The following PRKG1 variants were observed in gnomAD, a reference collection of about 807,000 sequenced individuals.
The protein encoded by PRKG1 is cGMP-dependent protein kinase 1.
Under a neutral mutation model 88.1 loss-of-function variants are expected in PRKG1, and 35 were observed. The observed-to-expected ratio is 0.40, with a 90% confidence interval of 0.30 to 0.53. PRKG1 has a LOEUF of 0.53. Among genes scored for constraint, PRKG1 ranks in the 20% least tolerant of loss-of-function variants. The pLI, the probability that PRKG1 is intolerant of heterozygous loss-of-function variation, is 0.59. For missense variants in PRKG1, 540 were observed against 839.8 expected (o/e 0.64, Z 4.41); for synonymous variants, 303 against 292.5 (o/e 1.04, Z -0.37).
intron 4 of PRKG1, among the ~76,000 whole-genome samples, chr10:51,862,396 T>C (rs1840902328): frequency 6.6e-6 from 1 of 152,058 alleles, no homozygotes; most frequent in Non-Finnish European, 1.5e-5. Flanking sequence ...TCCGGGTTCT[T>C]GTCCTATGAT....
intron 3 of PRKG1, among the ~76,000 whole-genome samples, chr10:51,733,723 G>A (rs547853342): frequency 6.6e-6 from 1 of 152,258 alleles, no homozygotes; most frequent in African/African-American, 2.4e-5. Flanking sequence ...GGCCATAAGT[G>A]GATATGATTG....
chr10:51,067,270 G>GTA (rs10612353), intron 1 of PRKG1, among the ~76,000 whole-genome samples: 4,775 of 146,580 alleles, frequency 0.033, 101 homozygotes, highest in African/African-American at 0.06. Context: ...ATGTATGTGT[G>GTA]TATATATATA....
chr10:51,697,846 C>G (rs1350403653), intron 3 of PRKG1: 3 of 1,614,106 alleles, frequency 1.9e-6, no homozygotes, highest in Non-Finnish European at 2.5e-6. Context: ...GTGGAGTGAC[C>G]TGGCTCTGCC....
chr10:51,848,323 C>G (rs541247087), intron 4 of PRKG1, among the ~76,000 whole-genome samples: 3 of 152,072 alleles, frequency 2.0e-5, no homozygotes, highest in Non-Finnish European at 2.9e-5. Flanking sequence ...AAAAAAATAA[C>G]TAGTGAAATA....
chr10:51,204,629 G>A (rs560241687), intron 2 of PRKG1, among the ~76,000 whole-genome samples: 31 of 152,062 alleles, frequency 2.0e-4, no homozygotes, highest in Middle Eastern at 3.4e-3. Context: ...TGGATATTAC[G>A]GATTGAAAAA....
At chr10:51,433,636 T>C (rs1451039558) in intron 2 of PRKG1, among the ~76,000 whole-genome samples, 2 of 136,132 alleles carry the variant, frequency 1.5e-5, no homozygotes, top group Non-Finnish European at 3.3e-5. Context: ...TAGGGGCCTT[T>C]TAGTGATCTA....
At chr10:51,210,266 A>G (rs1282849451) in intron 2 of PRKG1, among the ~76,000 whole-genome samples, 3 of 152,212 alleles carry the variant, frequency 2.0e-5, no homozygotes, top group African/African-American at 4.8e-5. Context: ...TTTGAAACCA[A>G]CGAGAACAAA....
intron 2 of PRKG1, among the ~76,000 whole-genome samples, chr10:51,163,960 G>C (rs1479051908): frequency 1.3e-5 from 2 of 152,202 alleles, no homozygotes; most frequent in East Asian, 3.9e-4. Context: ...CTCCACTTCT[G>C]GGGGCAGGGC....
At chr10:50,995,582 C>T (rs749927259) in intron 1 of PRKG1, among the ~76,000 whole-genome samples, 38 of 152,156 alleles carry the variant, frequency 2.5e-4, no homozygotes, top group Non-Finnish European at 1.2e-4. Flanking sequence ...AAGTGTTTTA[C>T]ATAGATCTCT....
intron 5 of PRKG1, among the ~76,000 whole-genome samples, chr10:52,050,041 G>A (rs959596813): frequency 1.4e-5 from 2 of 144,764 alleles, no homozygotes; most frequent in African/African-American, 2.5e-5. Flanking sequence ...GTGTGTGTGA[G>A]AGAGAGAGAG....
chr10:51,628,172 C>A (rs543095678), intron 3 of PRKG1, among the ~76,000 whole-genome samples: 5 of 57,618 alleles, frequency 8.7e-5, no homozygotes, highest in Non-Finnish European at 1.9e-4. Flanking sequence ...TTATTTATTT[C>A]TTTTCTTTCT....
intron 3 of PRKG1, among the ~76,000 whole-genome samples, chr10:51,543,372 A>C (rs1261773524): frequency 6.6e-6 from 1 of 152,208 alleles, no homozygotes; most frequent in Non-Finnish European, 1.5e-5. Context: ...TGTCTGGTTA[A>C]CAGCATATTA....
At chr10:52,034,004 G>T (rs1024081603) in intron 5 of PRKG1, among the ~76,000 whole-genome samples, 2 of 151,704 alleles carry the variant, frequency 1.3e-5, no homozygotes, top group Non-Finnish European at 2.9e-5. Context: ...GGATGAGCCA[G>T]GAAAAGGACT....
At position 51,804,686 on chromosome 10, in the gene PRKG1, A is replaced by G; in HGVS notation, c.694A>G (p.Lys232Glu). 6.4e-7 allele frequency: 1 copy of G among 1,551,534 alleles called. No homozygotes were observed. The highest frequency in any genetic ancestry group is 8.9e-7 in the Non-Finnish European group (1 of 1,124,116). The stretch of plus-strand genomic sequence containing the variant: ...GCATACCGAGTATATGGAATTTTTA[A>G]AAAGGTAGGATGCTTTCTTTTCTCT... Reference protein sequence around the residue: ...IKHTEYMEFLKSVPTFQSLPE... With the variant: ...IKHTEYMEFLESVPTFQSLPE... The change falls in exon 4 of 18, where the codon AAA becomes GAA. Residue 232 changes from lysine to glutamate, a missense_variant. By Grantham distance (56) the Lys-to-Glu change is moderately conservative. Transcript: ENST00000373980.
At chr10:52,003,220 G>C (rs928457742) in intron 5 of PRKG1, among the ~76,000 whole-genome samples, 1 of 152,162 alleles carries the variant, frequency 6.6e-6, no homozygotes, top group Admixed American at 6.5e-5. Flanking sequence ...GTGCCCTTAA[G>C]AAAGTGAATT....
intron 8 of PRKG1, among the ~76,000 whole-genome samples, chr10:52,154,593 C>T (rs1838036595): frequency 6.6e-6 from 1 of 152,096 alleles, no homozygotes; most frequent in African/African-American, 2.4e-5. Flanking sequence ...AATCTCAAAA[C>T]ACTTCTTTTT....
At chr10:52,209,810 A>T (rs1324281778) in intron 9 of PRKG1, among the ~76,000 whole-genome samples, 5 of 152,126 alleles carry the variant, frequency 3.3e-5, no homozygotes, top group Non-Finnish European at 7.4e-5. Flanking sequence ...CCTGGCTGCC[A>T]CCACCTATTC....
chr10:51,942,827 C>G (rs934776694), intron 5 of PRKG1, among the ~76,000 whole-genome samples: 6 of 150,884 alleles, frequency 4.0e-5, no homozygotes, highest in Admixed American at 2.0e-4. Flanking sequence ...TGTTTTGGTA[C>G]CAGTACCATG....
At chr10:51,757,819 T>C (rs187938860) in intron 3 of PRKG1, among the ~76,000 whole-genome samples, 1 of 152,238 alleles carries the variant, frequency 6.6e-6, no homozygotes, top group Admixed American at 6.5e-5. Flanking sequence ...CCTTTTTATA[T>C]GGCTAATAGA....
Sources: gnomAD v4.1 joint callset for allele counts (sites outside exome capture counted in the v4.1 genomes callset) on GRCh38, gnomAD v4.1.1 for gene constraint, MANE v1.5 for transcripts, NCBI Gene and HGNC (gene_info 2026-07-23, HGNC 2026-07-21) for gene names.